The following SRGAP1 variants were observed in gnomAD, a reference collection of about 807,000 sequenced individuals.
The protein encoded by SRGAP1 is SLIT-ROBO Rho GTPase-activating protein 1.
A neutral mutation model predicts 121.9 loss-of-function variants in SRGAP1; 43 were observed. The ratio of observed to expected loss-of-function variants is 0.35; its 90% CI spans 0.28 to 0.46. The LOEUF is 0.46. Among genes scored for constraint, SRGAP1 ranks in the 20% least tolerant of loss-of-function variants. The pLI is 1.00. For missense variants in SRGAP1, 1,102 were observed against 1,350.9 expected, an observed-to-expected ratio of 0.82 and a Z score of 2.89; for synonymous variants, 447 against 485.4, an observed-to-expected ratio of 0.92 and a Z score of 1.04.
rs543866152 is a variant in SRGAP1 at position 63,912,398 on chromosome 12, A to C, written c.67+67515A>C. On this transcript the variant is annotated intron_variant, in intron 1 of 21. Coordinates refer to ENST00000355086, the MANE Select transcript of SRGAP1 (RefSeq NM_020762.4). ...CAAGGCGAGAGAATCACTTGAGGCT[A>C]GGAGTTCCAGATAAGCCTGGGCAGC... Among the ~76,000 whole-genome samples, 10 of 152,306 alleles carry C rather than the reference A, an allele frequency of 6.6e-5. No individual in the cohort carries two copies. The South Asian group carries it at 1.9e-3, about 28-fold the overall frequency.
intron 1 of SRGAP1, among the ~76,000 whole-genome samples, chr12:63,978,486 A>G (rs959960668): frequency 1.3e-5 from 2 of 152,154 alleles, no homozygotes; most frequent in African/African-American, 4.8e-5. Flanking sequence ...GAGTGGTTTC[A>G]CTCACTAAAG....
At chr12:63,952,575 C>G (rs982373544) in intron 1 of SRGAP1, among the ~76,000 whole-genome samples, 3 of 152,122 alleles carry the variant, frequency 2.0e-5, no homozygotes, top group African/African-American at 7.2e-5. Flanking sequence ...ATGAGCCTTC[C>G]TTCTGATTTC....
intron 3 of SRGAP1, among the ~76,000 whole-genome samples, chr12:64,012,995 C>T (rs2034296216): frequency 6.6e-6 from 1 of 152,156 alleles, no homozygotes; most frequent in Admixed American, 6.5e-5. Context: ...GCCTCAGCCT[C>T]CCAAAGTGCT....
At chr12:64,042,545 G>A (rs530162540) in intron 4 of SRGAP1, among the ~76,000 whole-genome samples, 30 of 152,166 alleles carry the variant, frequency 2.0e-4, no homozygotes, top group African/African-American at 7.0e-4. Context: ...ATAAGACTCC[G>A]TAAATCATTT....
At chr12:64,033,577 G>A (rs989606088) in intron 4 of SRGAP1, among the ~76,000 whole-genome samples, 1 of 152,008 alleles carries the variant, frequency 6.6e-6, no homozygotes, top group Non-Finnish European at 1.5e-5. Flanking sequence ...AATTAGCCCA[G>A]CATGGTGGCG....
At chr12:63,845,669 A>G (rs1898879582) in intron 1 of SRGAP1, among the ~76,000 whole-genome samples, 1 of 152,202 alleles carries the variant, frequency 6.6e-6, no homozygotes, top group Admixed American at 6.5e-5. Flanking sequence ...TTAAAAATAT[A>G]TATATTTTCT....
At chr12:63,996,396 TGTTA>T (rs1390635077) in intron 3 of SRGAP1, among the ~76,000 whole-genome samples, 3 of 152,090 alleles carry the variant, frequency 2.0e-5, no homozygotes, top group Non-Finnish European at 4.4e-5. Flanking sequence ...TGCATGGCCA[TGTTA>T]GTTTTCTGTT....
rs1592348688 is a variant in SRGAP1, at chr12:64,129,424, C to T, written c.2880+1224C>T. Among the ~76,000 whole-genome samples the T allele has an allele frequency of 3.9e-5, 6 of 152,266 alleles. 1 individual carries two copies. In the South Asian group the frequency reaches 6.2e-4, roughly 16 times the overall value. On this transcript the variant is annotated intron_variant, in intron 21 of 21. Coordinates refer to ENST00000355086, the MANE Select transcript of SRGAP1 (RefSeq NM_020762.4). Reference sequence around the variant, plus strand: ...GGCAGTTAATTAGATGGTGCCCATCCAGATTAAGGGTGGGTCTGCCTTCCC... The same window carrying T: ...GGCAGTTAATTAGATGGTGCCCATCTAGATTAAGGGTGGGTCTGCCTTCCC...
intron 1 of SRGAP1, among the ~76,000 whole-genome samples, chr12:63,871,528 T>G (rs1899854403): frequency 6.6e-6 from 1 of 152,230 alleles, no homozygotes; most frequent in Non-Finnish European, 1.5e-5. Context: ...CCGCCAGCTC[T>G]TAGGACAGTC....
chr12:64,074,872 A>G (rs2035705929), intron 8 of SRGAP1, among the ~76,000 whole-genome samples: 1 of 152,188 alleles, frequency 6.6e-6, no homozygotes, highest in Non-Finnish European at 1.5e-5. Context: ...TAATTTAGTT[A>G]TGCACAAATA....
intron 1 of SRGAP1, among the ~76,000 whole-genome samples, chr12:63,891,991 A>G (rs948386835): frequency 2.6e-5 from 4 of 151,722 alleles, no homozygotes; most frequent in African/African-American, 9.7e-5. Context: ...CTCAAAAAAA[A>G]AAAAAAAAGA....
chr12:63,846,596 G>A (rs1392827634), intron 1 of SRGAP1, among the ~76,000 whole-genome samples: 3 of 152,166 alleles, frequency 2.0e-5, no homozygotes, highest in Admixed American at 2.0e-4. Flanking sequence ...CATGAACATG[G>A]TGAAAATCAC....
At chr12:64,020,843 C>CA (rs34144761) in intron 4 of SRGAP1, among the ~76,000 whole-genome samples, 16,833 of 69,738 alleles carry the variant, frequency 0.24, 1,732 homozygotes, top group Non-Finnish European at 0.32. Context: ...GACTCCGTCT[C>CA]AAAAAAAAAA....
At chr12:64,013,758 A>G (rs1053944813) in intron 3 of SRGAP1, among the ~76,000 whole-genome samples, 15 of 152,324 alleles carry the variant, frequency 9.8e-5, no homozygotes, top group African/African-American at 3.6e-4. Context: ...CCCTGAGAAA[A>G]TGTAACATAG....
chr12:63,996,371 T>C (rs1426955139), intron 3 of SRGAP1, among the ~76,000 whole-genome samples: 1 of 152,088 alleles, frequency 6.6e-6, no homozygotes. Context: ...CATGACTACA[T>C]AGTACTTTAC....
chr12:64,013,976 G>A (rs964696210), intron 3 of SRGAP1, among the ~76,000 whole-genome samples: 3 of 152,186 alleles, frequency 2.0e-5, no homozygotes, highest in Non-Finnish European at 4.4e-5. Context: ...AAAGGACAAG[G>A]TGATGTGGCC....
intron 15 of SRGAP1, among the ~76,000 whole-genome samples, chr12:64,102,322 CAG>C (rs1565681814): frequency 6.6e-6 from 1 of 152,210 alleles, no homozygotes; most frequent in Non-Finnish European, 1.5e-5. Flanking sequence ...TTTCTCTACA[CAG>C]AGATAGTGAT....
intron 4 of SRGAP1, among the ~76,000 whole-genome samples, chr12:64,038,006 A>G (rs1319779257): frequency 6.6e-6 from 1 of 152,204 alleles, no homozygotes; most frequent in African/African-American, 2.4e-5. Context: ...TCCAAAGGTT[A>G]TGGCGTAGCA....
rs2037140029 is a variant in SRGAP1, at chr12:64,153,553, G to A, written c.*10881G>A. On this transcript the variant is annotated 3_prime_UTR_variant, in exon 22 of 22. Transcript: ENST00000355086. Reference sequence around the variant, plus strand: ...ATTGGAAGTTTCCAAAAAGGAACATGACAGCATCTATATTTTTAGAAGATG... The same window carrying A: ...ATTGGAAGTTTCCAAAAAGGAACATAACAGCATCTATATTTTTAGAAGATG... 1 of 151,588 alleles carries A rather than the reference G, an allele frequency of 6.6e-6. No homozygotes were observed. The highest frequency in any genetic ancestry group is 1.5e-5 in the Non-Finnish European group (1 of 67,974). The allele number at this position is 151,588 out of a possible 1,614,324, so 9.4% of individuals were successfully genotyped here.
Sources: allele counts gnomAD v4.1 joint callset (sites outside exome capture counted in the v4.1 genomes callset), GRCh38; gene constraint gnomAD v4.1.1; transcripts MANE v1.5; gene names NCBI Gene and HGNC (gene_info 2026-07-23, HGNC 2026-07-21).